Variants in PLPPR4 observed in about 807,000 individuals in gnomAD.
The protein encoded by PLPPR4 is phospholipid phosphatase related 4.
Under a neutral mutation model 56.6 loss-of-function variants are expected in PLPPR4, and 24 were observed. That is an observed-to-expected ratio of 0.42 (90% confidence interval 0.31 to 0.60). The LOEUF (loss-of-function observed/expected upper bound fraction) is 0.60, where lower values mean the gene tolerates loss of function less well. Ranked by LOEUF, PLPPR4 falls within the 20% of genes least tolerant of loss-of-function variation. The pLI is 0.13. For missense variants in PLPPR4, 654 were observed against 885.8 expected (o/e 0.74, Z 3.32); for synonymous variants, 326 against 328.1 (o/e 0.99, Z 0.07).
chr1:99,295,649 T>G (rs545123575), intron 2 of PLPPR4, among the ~76,000 whole-genome samples: 1 of 152,326 alleles, frequency 6.6e-6, no homozygotes, highest in Admixed American at 6.5e-5. Flanking sequence ...TTGAAAGACT[T>G]TTTCATGAAT....
chr1:99,270,037 G>GTC (rs1219081952), intron 1 of PLPPR4, among the ~76,000 whole-genome samples: 1 of 150,566 alleles, frequency 6.6e-6, no homozygotes, highest in Non-Finnish European at 1.5e-5. Flanking sequence ...GTGTGTGTGT[G>GTC]TGTGTGTGGC....
chr1:99,278,519 A>G (rs1302076031), intron 1 of PLPPR4, among the ~76,000 whole-genome samples: 2 of 152,318 alleles, frequency 1.3e-5, no homozygotes, highest in African/African-American at 2.4e-5. Flanking sequence ...AAAGGATTTA[A>G]AAGCAATTAC....
chr1:99,283,721 C>T (rs971433996), intron 1 of PLPPR4, among the ~76,000 whole-genome samples: 10 of 152,138 alleles, frequency 6.6e-5, no homozygotes, highest in Admixed American at 2.0e-4. Flanking sequence ...GAGGCCAAGG[C>T]GGGCGGATCA....
In PLPPR4 at chr1:99,264,580, G is replaced by C; in HGVS notation, c.-14G>C. 1 of 1,550,858 alleles carries C rather than the reference G, an allele frequency of 6.4e-7. No individual in the cohort carries two copies. The highest frequency in any genetic ancestry group is 2.4e-5 in the East Asian group (1 of 40,916). On this transcript the variant is annotated 5_prime_UTR_variant, in exon 1 of 7. Transcript: ENST00000370185. ...TCGCCCGGGGGAGGACGCAGACCCG[G>C]GCAGGCGGCAGGGATGTCGGCGAAG... is the stretch of plus-strand genomic sequence containing the variant.
intron 1 of PLPPR4, among the ~76,000 whole-genome samples, chr1:99,275,070 T>C (rs77389020): frequency 0.02 from 2,993 of 152,246 alleles, 49 homozygotes; most frequent in Non-Finnish European, 0.033. Flanking sequence ...ACTTATCCCT[T>C]GGGTGATGAT....
chr1:99,293,834 C>T (rs1193664248), intron 2 of PLPPR4, among the ~76,000 whole-genome samples: 2 of 152,070 alleles, frequency 1.3e-5, no homozygotes, highest in African/African-American at 4.8e-5. Flanking sequence ...GATGACTGTT[C>T]CATGGCTAGG....
In PLPPR4 at chr1:99,307,165, G is replaced by T. The variant is rs1660052378; in HGVS notation, c.*155G>T. The T allele has an allele frequency of 2.4e-6, 2 of 840,122 alleles. No individual in the cohort carries two copies. Among genetic ancestry groups the T allele is most frequent in the Non-Finnish European group, 3.7e-6 (2 of 545,162 alleles). 52.0% of individuals were successfully genotyped at this position (840,122 alleles called of 1,614,324 possible). ...TTTCAGAACTGCTATACTCAAACTT[G>T]CAGATCTCACATCAAGGAGAGGGAA... On this transcript the variant is annotated 3_prime_UTR_variant, in exon 7 of 7. Coordinates refer to ENST00000370185, the MANE Select transcript of PLPPR4 (RefSeq NM_014839.5).
At chr1:99,271,101 A>G (rs1659048157) in intron 1 of PLPPR4, among the ~76,000 whole-genome samples, 2 of 152,216 alleles carry the variant, frequency 1.3e-5, no homozygotes, top group Admixed American at 6.5e-5. Flanking sequence ...TCTATCAGGA[A>G]ATAAAAAATA....
In PLPPR4 at chr1:99,269,996, T is replaced by TG. The variant is rs1659009432; in HGVS notation, c.78+5325_78+5326insG. Reference sequence around the variant, plus strand: ...GATTACTCAGAAAGTTTTCATTCCTTTTGTGTGTGTGTGTGTGTGTGTGTG... The same window carrying TG: ...GATTACTCAGAAAGTTTTCATTCCTTGTTGTGTGTGTGTGTGTGTGTGTGTG... On this transcript the variant is annotated intron_variant, in intron 1 of 6. Coordinates refer to ENST00000370185, the MANE Select transcript of PLPPR4 (RefSeq NM_014839.5). Among the ~76,000 whole-genome samples the TG allele has an allele frequency of 3.2e-5, 4 of 126,104 alleles. No individual in the cohort carries two copies. The East Asian group carries it at 6.7e-4, about 21-fold the overall frequency. The allele number at this position is 126,104 out of a possible 152,430, so 82.7% of individuals were successfully genotyped here.
At chr1:99,287,093 G>C (rs861872) in intron 1 of PLPPR4, among the ~76,000 whole-genome samples, 64,369 of 151,798 alleles carry the variant, frequency 0.42, 13,731 homozygotes, top group Admixed American at 0.46. Context: ...CTGTGTCCAC[G>C]TGTTCTCAAT....
Position 99,287,962 on chromosome 1 carries a change from T to C in PLPPR4, c.79-3T>C. On this transcript the variant is annotated splice_region_variant and splice_polypyrimidine_tract_variant and intron_variant, in intron 1 of 6. Transcript: ENST00000370185. ...ATTGATCTTCTTTGTCCTTCATTCT[T>C]AGTTGCCTATATTGGCATCATCGGT... The C allele has an allele frequency of 6.2e-7, 1 of 1,611,570 alleles. No homozygotes were observed. Among genetic ancestry groups the C allele is most frequent in the Non-Finnish European group, 8.5e-7 (1 of 1,178,468 alleles).
intron 1 of PLPPR4, among the ~76,000 whole-genome samples, chr1:99,282,861 T>C (rs1461602001): frequency 6.6e-6 from 1 of 151,398 alleles, no homozygotes. Flanking sequence ...AGATCTAAAA[T>C]GGGAATTCAG....
At chr1:99,268,711 G>A (rs1658973121) in intron 1 of PLPPR4, among the ~76,000 whole-genome samples, 3 of 152,110 alleles carry the variant, frequency 2.0e-5, no homozygotes, top group African/African-American at 7.2e-5. Flanking sequence ...TGTACAGCCT[G>A]GGAAAACAAA....
rs1659121784 is a variant in PLPPR4, at chr1:99,274,015, T to G, written c.78+9344T>G. On this transcript the variant is annotated intron_variant, in intron 1 of 6. Transcript: ENST00000370185. ...ATCTAGGACTTACCTATGGATTGTT[T>G]GAGATTTGAAATTTCAAATAAAGGC... Among the ~76,000 whole-genome samples, 3 of 152,070 alleles carry G rather than the reference T, an allele frequency of 2.0e-5. 1 individual carries two copies. In the South Asian group the frequency reaches 6.2e-4, roughly 31 times the overall value.
intron 3 of PLPPR4, among the ~76,000 whole-genome samples, chr1:99,298,451 G>A (rs1403922724): frequency 6.6e-6 from 1 of 152,076 alleles, no homozygotes; most frequent in African/African-American, 2.4e-5. Context: ...TAAGAACATC[G>A]TGTCCAAATT....
At chr1:99,285,094 A>G (rs1659431598) in intron 1 of PLPPR4, among the ~76,000 whole-genome samples, 1 of 152,148 alleles carries the variant, frequency 6.6e-6, no homozygotes, top group South Asian at 2.1e-4. Flanking sequence ...CAATAACAAC[A>G]ATACTTAATA....
intron 1 of PLPPR4, among the ~76,000 whole-genome samples, chr1:99,281,343 T>C (rs1426398797): frequency 6.6e-6 from 1 of 152,206 alleles, no homozygotes; most frequent in Non-Finnish European, 1.5e-5. Flanking sequence ...AAGCCACATC[T>C]GTTTTATGTA....
chr1:99,263,437 T>C (rs1027420091), upstream of PLPPR4, among the ~76,000 whole-genome samples: 3 of 152,100 alleles, frequency 2.0e-5, no homozygotes, highest in African/African-American at 7.2e-5. Flanking sequence ...AAAGACCTAT[T>C]GGAGGAGCAA....
At chr1:99,305,654 A>G (rs749110506) in intron 6 of PLPPR4, 31 bp from the exon 7 acceptor site, 20 of 1,587,568 alleles carry the variant, frequency 1.3e-5, no homozygotes, top group Non-Finnish European at 1.3e-5. Flanking sequence ...CTTCTAGTGC[A>G]TGATATTTAT....
Sources: gnomAD v4.1 joint callset for allele counts (sites outside exome capture counted in the v4.1 genomes callset) on GRCh38, gnomAD v4.1.1 for gene constraint, MANE v1.5 for transcripts, NCBI Gene and HGNC (gene_info 2026-07-23, HGNC 2026-07-21) for gene names.